The following STK24 variants were observed in gnomAD, a reference collection of about 807,000 sequenced individuals.
STK24 encodes serine/threonine-protein kinase 24.
A neutral mutation model predicts 55.6 loss-of-function variants in STK24; 21 were observed. The observed-to-expected ratio is 0.38, with a 90% CI of 0.27 to 0.54. The LOEUF is 0.54. Ranked by LOEUF, STK24 falls within the 20% of genes least tolerant of loss-of-function variation. The pLI, the probability that STK24 is intolerant of heterozygous loss-of-function variation, is 0.79. For missense variants in STK24, 383 were observed against 538.4 expected, an observed-to-expected ratio of 0.71 and a Z score of 2.86; for synonymous variants, 200 against 215.2, an observed-to-expected ratio of 0.93 and a Z score of 0.62.
intron 1 of STK24, among the ~76,000 whole-genome samples, chr13:98,533,513 C>T (rs913664755): frequency 1.0e-4 from 15 of 150,746 alleles, no homozygotes; most frequent in African/African-American, 3.7e-4. Context: ...AGCAGGGCTT[C>T]GTGACTCAAG....
chr13:98,522,026 CTGG>C, intron 1 of STK24: 1 of 1,423,214 alleles, frequency 7.0e-7, no homozygotes. Context: ...TCTCCTTCCT[CTGG>C]AGTCCCTTCA....
intron 1 of STK24, among the ~76,000 whole-genome samples, chr13:98,547,044 T>C (rs747080255): frequency 5.9e-5 from 9 of 152,120 alleles, no homozygotes; most frequent in Non-Finnish European, 1.0e-4. Flanking sequence ...CCCGAGTAGC[T>C]GGGATTACAG....
At chr13:98,456,231 C>T (rs969379053) in intron 10 of STK24, 4 of 319,436 alleles carry the variant, frequency 1.3e-5, no homozygotes, top group African/African-American at 6.6e-5. Flanking sequence ...GTAGGCAGCC[C>T]CTTCAATCAC....
chr13:98,482,431 A>C (rs1010300060), intron 2 of STK24, 110 bp from the exon 3 acceptor site: 1 of 618,540 alleles, frequency 1.6e-6, no homozygotes, highest in Non-Finnish European at 2.8e-6. Flanking sequence ...AAAGTTTTAC[A>C]AACATGTACC....
chr13:98,558,770 C>G (rs183712403), intron 1 of STK24, among the ~76,000 whole-genome samples: 3 of 152,252 alleles, frequency 2.0e-5, no homozygotes, highest in Admixed American at 1.3e-4. Flanking sequence ...TATTTGGGAA[C>G]AGTCCACATA....
Position 98,547,447 on chromosome 13 carries a change from C to CT in STK24, c.43-27975dup, listed in dbSNP as rs546135609. Among the ~76,000 whole-genome samples, 511 of 152,282 alleles carry CT rather than the reference C, an allele frequency of 3.4e-3. 2 individuals are homozygous for CT. Among genetic ancestry groups the CT allele is most frequent in the Non-Finnish European group, 5.6e-3 (381 of 68,024 alleles). On this transcript the variant is annotated intron_variant, in intron 1 of 10. Transcript: ENST00000539966. The stretch of plus-strand genomic sequence containing the variant: ...CCTATAGTCCCAGCTACTCGGGAGG[C>CT]TGTGGCGTGAGGACTGCTTGAGCCC...
chr13:98,495,012 C>T (rs1895193836), intron 2 of STK24, among the ~76,000 whole-genome samples: 1 of 152,200 alleles, frequency 6.6e-6, no homozygotes, highest in African/African-American at 2.4e-5. Flanking sequence ...AACAGGATGG[C>T]GGGCTCCAAG....
At chr13:98,489,780 C>T (rs1488723484) in intron 2 of STK24, among the ~76,000 whole-genome samples, 1 of 152,210 alleles carries the variant, frequency 6.6e-6, no homozygotes, top group African/African-American at 2.4e-5. Context: ...ATGAGAGGGA[C>T]ACCCTTGAAG....
chr13:98,502,741 C>A (rs1372241205), intron 2 of STK24, among the ~76,000 whole-genome samples: 2 of 152,182 alleles, frequency 1.3e-5, no homozygotes, highest in African/African-American at 2.4e-5. Flanking sequence ...CCTTTTCAGC[C>A]TCCAGAACTG....
intron 3 of STK24, among the ~76,000 whole-genome samples, chr13:98,481,839 G>A (rs550761379): frequency 1.2e-3 from 184 of 152,270 alleles, no homozygotes; most frequent in African/African-American, 4.4e-3. Flanking sequence ...CTCGAGGTCA[G>A]GAGTTTGAGA....
intron 2 of STK24, among the ~76,000 whole-genome samples, chr13:98,513,545 G>A (rs556419041): frequency 2.0e-4 from 30 of 152,292 alleles, no homozygotes; most frequent in African/African-American, 6.5e-4. Flanking sequence ...GAACAGAGAG[G>A]TACACAGTGC....
intron 2 of STK24, among the ~76,000 whole-genome samples, chr13:98,482,993 C>A (rs1358574101): frequency 1.3e-5 from 2 of 152,244 alleles, no homozygotes; most frequent in Non-Finnish European, 2.9e-5. Flanking sequence ...CAGTCCCCAG[C>A]TCTGCGCCTG....
chr13:98,458,784 T>C (rs1169680374), intron 9 of STK24, among the ~76,000 whole-genome samples: 2 of 152,190 alleles, frequency 1.3e-5, no homozygotes, highest in Admixed American at 6.5e-5. Flanking sequence ...CAACCTGACC[T>C]GTGCTCCCTG....
intron 2 of STK24, among the ~76,000 whole-genome samples, chr13:98,493,264 T>C (rs575567016): frequency 5.9e-5 from 9 of 152,352 alleles, no homozygotes; most frequent in African/African-American, 2.2e-4. Context: ...TACAGAGATG[T>C]TCCTCTTTTC....
chr13:98,499,108 T>C (rs114481011), intron 2 of STK24, among the ~76,000 whole-genome samples: 2 of 152,032 alleles, frequency 1.3e-5, no homozygotes, highest in African/African-American at 4.8e-5. Flanking sequence ...TTAGCCAGCA[T>C]AGTGGTGCAA....
chr13:98,562,803 C>T (rs1219262286), intron 1 of STK24, among the ~76,000 whole-genome samples: 2 of 151,350 alleles, frequency 1.3e-5, no homozygotes, highest in Admixed American at 6.6e-5. Context: ...GCAGTCCCAG[C>T]TACTCGGGAG....
chr13:98,456,357 CT>C, intron 10 of STK24: 1 of 400,372 alleles, frequency 2.5e-6, no homozygotes, highest in Non-Finnish European at 5.1e-6. Context: ...TCTCAGCCAG[CT>C]TTGGGAGGTG....
intron 1 of STK24, among the ~76,000 whole-genome samples, chr13:98,524,466 C>A (rs1442008834): frequency 6.6e-6 from 1 of 152,204 alleles, no homozygotes; most frequent in Non-Finnish European, 1.5e-5. Flanking sequence ...ATGCAGCCAA[C>A]TGCTAGACCT....
intron 2 of STK24, among the ~76,000 whole-genome samples, chr13:98,498,385 G>A (rs577349483): frequency 6.6e-6 from 1 of 152,332 alleles, no homozygotes; most frequent in South Asian, 2.1e-4. Context: ...GTGGCTGGAG[G>A]GAAAGTCTCT....
Sources: allele counts gnomAD v4.1 joint callset (sites outside exome capture counted in the v4.1 genomes callset), GRCh38; gene constraint gnomAD v4.1.1; transcripts MANE v1.5; gene names NCBI Gene and HGNC (gene_info 2026-07-23, HGNC 2026-07-21).